The following CDYL variants were observed in gnomAD, a reference collection of about 807,000 sequenced individuals.
CDYL encodes chromodomain Y-like protein.
In CDYL, 8 loss-of-function variants were observed where a neutral mutation model predicts 47.3. The ratio of observed to expected loss-of-function variants is 0.17; its 90% CI spans 0.10 to 0.31. The LOEUF is 0.31. Ranked by LOEUF, CDYL falls within the 10% of genes least tolerant of loss-of-function variation. CDYL has a pLI of 1.00. For missense variants in CDYL, 471 were observed against 701.4 expected (o/e 0.67, Z 3.71); for synonymous variants, 266 against 265.0 (o/e 1.00, Z -0.04).
Position 4,776,665 on chromosome 6 carries a change from C to T in CDYL, c.-119C>T, listed in dbSNP as rs1758460622. Reference sequence around the variant, plus strand: ...AGGCTCGTCCGTGCCCAGCGCCCGGCCGGCCGCGGGAGCAGGAAGCGCAGG... The same window carrying T: ...AGGCTCGTCCGTGCCCAGCGCCCGGTCGGCCGCGGGAGCAGGAAGCGCAGG... On this transcript the variant is annotated 5_prime_UTR_variant, in exon 1 of 7. Transcript: ENST00000397588. 2 of 908,540 alleles carry T rather than the reference C, an allele frequency of 2.2e-6. No homozygotes were observed. Among genetic ancestry groups the T allele is most frequent in the Admixed American group, 4.1e-5 (1 of 24,530 alleles). The allele number at this position is 908,540 out of a possible 1,614,324, so 56.3% of individuals were successfully genotyped here. A position where few individuals can be genotyped will look rare whatever the true frequency, so the allele number is the denominator to read the frequency against.
intron 3 of CDYL, among the ~76,000 whole-genome samples, chr6:4,761,518 A>AT (rs1333372859): frequency 6.6e-6 from 1 of 150,588 alleles, no homozygotes; most frequent in Non-Finnish European, 1.5e-5. Flanking sequence ...TAATTTTTCT[A>AT]TTTTTAATAG....
chr6:4,869,213 G>A (rs808592), intron 1 of CDYL, among the ~76,000 whole-genome samples: 7,246 of 151,434 alleles, frequency 0.048, 558 homozygotes, highest in African/African-American at 0.17. Flanking sequence ...CTCCTGTCTC[G>A]GCCTCCCAAG....
intron 2 of CDYL, among the ~76,000 whole-genome samples, chr6:4,723,422 GGGC>G (rs1301506724): frequency 6.6e-6 from 1 of 152,046 alleles, no homozygotes; most frequent in Non-Finnish European, 1.5e-5. Flanking sequence ...CAGCCAAACT[GGGC>G]GATCTGACGA....
intron 5 of CDYL, among the ~76,000 whole-genome samples, chr6:4,950,168 C>T (rs1370247457): frequency 6.6e-6 from 1 of 152,130 alleles, no homozygotes; most frequent in Admixed American, 6.5e-5. Context: ...AGTTGACCTC[C>T]AGGTGGCAGA....
At chr6:4,810,630 A>G (rs947169643) in intron 1 of CDYL, among the ~76,000 whole-genome samples, 2 of 152,210 alleles carry the variant, frequency 1.3e-5, no homozygotes, top group African/African-American at 4.8e-5. Flanking sequence ...ACAAAATACT[A>G]TAAACTGGGA....
At chr6:4,837,940 ATT>A (rs61308950) in intron 1 of CDYL, among the ~76,000 whole-genome samples, 17 of 141,874 alleles carry the variant, frequency 1.2e-4, no homozygotes, top group Non-Finnish European at 1.2e-4. Context: ...AACCCAGCTA[ATT>A]TTTTTTTTTT....
rs571089331 is a variant in CDYL at position 4,753,022 on chromosome 6, A to G, written c.186+18178A>G. Among the ~76,000 whole-genome samples, 59 of 152,058 alleles carry G rather than the reference A, an allele frequency of 3.9e-4. 1 individual carries two copies. Among genetic ancestry groups the G allele is most frequent in the Non-Finnish European group, 5.0e-4 (34 of 67,988 alleles). ...AGCCTCAACCTCCTGGGCTCAAGCA[A>G]TCCTCCCACCTTAGCCTCCTGAGTA... On this transcript the variant is annotated intron_variant, in intron 3 of 8. Coordinates refer to the CDYL transcript ENST00000328908.
intron 3 of CDYL, among the ~76,000 whole-genome samples, chr6:4,747,821 A>G (rs531430165): frequency 2.0e-5 from 3 of 152,236 alleles, no homozygotes; most frequent in Non-Finnish European, 4.4e-5. Context: ...CACAGGAATC[A>G]TTAGGGACTT....
intron 2 of CDYL, among the ~76,000 whole-genome samples, chr6:4,895,335 GCA>G (rs1762219304): frequency 4.0e-5 from 5 of 125,176 alleles, no homozygotes; most frequent in African/African-American, 2.6e-4. Context: ...GTATATATGT[GCA>G]TATATGCATG....
At chr6:4,837,920 T>C (rs1381974858) in intron 1 of CDYL, among the ~76,000 whole-genome samples, 1 of 151,076 alleles carries the variant, frequency 6.6e-6, no homozygotes, top group Non-Finnish European at 1.5e-5. Context: ...ACTACAGGCG[T>C]GCACCAACAA....
chr6:4,943,476 C>T (rs1033318193), intron 4 of CDYL, 70 bp from the exon 5 acceptor site: 2 of 1,122,166 alleles, frequency 1.8e-6, no homozygotes, highest in Non-Finnish European at 2.6e-6. Context: ...AAATTGAATT[C>T]CATAATAGAC....
chr6:4,759,811 G>A (rs1270679758), intron 3 of CDYL, among the ~76,000 whole-genome samples: 7 of 139,500 alleles, frequency 5.0e-5, no homozygotes, highest in Admixed American at 3.8e-4. Flanking sequence ...CCCAGGAGGT[G>A]GAGGTTGCAG....
intron 3 of CDYL, among the ~76,000 whole-genome samples, chr6:4,769,259 T>C (rs1758300480): frequency 1.3e-5 from 2 of 152,196 alleles, no homozygotes; most frequent in African/African-American, 4.8e-5. Flanking sequence ...TGGGGAAAAC[T>C]GGGTATGGGA....
chr6:4,937,498 A>AG lies in CDYL; in HGVS notation c.949-67_949-66insG, dbSNP rs1381598743. ...GCAACAGAGTGAGACTCTCTCCAAA[A>AG]AAAAAAATGCTTTAAGATTTTAAAC... On this transcript the variant is annotated intron_variant, in intron 3 of 6. Coordinates refer to ENST00000397588, the MANE Select transcript of CDYL (RefSeq NM_004824.4). The AG allele has an allele frequency of 1.8e-5, 24 of 1,319,428 alleles. 2 individuals carry two copies. Among genetic ancestry groups the AG allele is most frequent in the Non-Finnish European group, 2.2e-5 (22 of 1,006,108 alleles). The allele number at this position is 1,319,428 out of a possible 1,614,324, so 81.7% of individuals were successfully genotyped here.
At chr6:4,792,317 T>C (rs1036111725) in intron 1 of CDYL, among the ~76,000 whole-genome samples, 2 of 152,142 alleles carry the variant, frequency 1.3e-5, no homozygotes, top group Middle Eastern at 3.2e-3. Context: ...CTATATACGT[T>C]GGAAATATCT....
rs567014788 is a variant in CDYL at position 4,896,096 on chromosome 6, A to G, written c.691+3717A>G. Among the ~76,000 whole-genome samples the G allele has an allele frequency of 9.2e-5, 14 of 152,334 alleles. No homozygotes were observed. The South Asian group carries it at 1.4e-3, about 16-fold the overall frequency. ...CTGACCCCTGTATACTGCTGAGAAT[A>G]TAATCACTAGTTAGAGGAAAATAGA... On this transcript the variant is annotated intron_variant, in intron 2 of 6. Coordinates refer to ENST00000397588, the MANE Select transcript of CDYL (RefSeq NM_004824.4).
At chr6:4,817,307 G>T (rs1228383759) in intron 1 of CDYL, among the ~76,000 whole-genome samples, 1 of 151,204 alleles carries the variant, frequency 6.6e-6, no homozygotes, top group Non-Finnish European at 1.5e-5. Context: ...ACAGTTACAA[G>T]TAATACTGTG....
chr6:4,722,072 C>G (rs1158209152), intron 2 of CDYL, among the ~76,000 whole-genome samples: 1 of 152,106 alleles, frequency 6.6e-6, no homozygotes, highest in Non-Finnish European at 1.5e-5. Flanking sequence ...TCAGGCTGGT[C>G]TCAAACTCCT....
intron 3 of CDYL, among the ~76,000 whole-genome samples, chr6:4,736,852 CA>C (rs1192468516): frequency 6.6e-6 from 1 of 152,152 alleles, no homozygotes; most frequent in African/African-American, 2.4e-5. Context: ...CTTAATTCAA[CA>C]AATTACATCT....
Sources: allele counts gnomAD v4.1 joint callset (sites outside exome capture counted in the v4.1 genomes callset), GRCh38; gene constraint gnomAD v4.1.1; transcripts MANE v1.5; gene names NCBI Gene and HGNC (gene_info 2026-07-23, HGNC 2026-07-21).